Variants in DTNB observed in about 807,000 individuals in gnomAD.
DTNB encodes DTN-B.
A neutral mutation model predicts 90.7 loss-of-function variants in DTNB; 63 were observed. That is an observed-to-expected ratio of 0.69 (90% CI 0.57 to 0.86). The LOEUF is 0.86. Among genes scored for constraint, DTNB ranks in the 40% least tolerant of loss-of-function variants. The pLI, the probability that DTNB is intolerant of heterozygous loss-of-function variation, is 0.00. For synonymous variants in DTNB, 277 were observed against 286.7 expected (o/e 0.97, Z 0.34); for missense variants, 744 against 807.1 (o/e 0.92, Z 0.95).
chr2:25,409,689 T>C (rs542423826), intron 16 of DTNB, among the ~76,000 whole-genome samples: 1 of 152,196 alleles, frequency 6.6e-6, no homozygotes, highest in African/African-American at 2.4e-5. Context: ...TGTCTTATTG[T>C]CTCACTAACT....
At chr2:25,673,194 C>T (rs1213414586) in intron 1 of DTNB, among the ~76,000 whole-genome samples, 192 bp downstream of exon 1, 1 of 151,606 alleles carries the variant, frequency 6.6e-6, no homozygotes, top group African/African-American at 2.4e-5. Context: ...GCCGCGCCGT[C>T]CCACCTCGCA....
chr2:25,499,724 T>G (rs917335201), intron 9 of DTNB, among the ~76,000 whole-genome samples: 1 of 152,240 alleles, frequency 6.6e-6, no homozygotes, highest in Admixed American at 6.5e-5. Flanking sequence ...ACTTATGAGC[T>G]TGTAAACTTT....
chr2:25,478,775 A>T (rs1002363022), intron 10 of DTNB, among the ~76,000 whole-genome samples: 1 of 152,210 alleles, frequency 6.6e-6, no homozygotes, highest in African/African-American at 2.4e-5. Context: ...GATGGACAGC[A>T]ACGCAATCCA....
At chr2:25,662,958 A>G (rs2083562933) in intron 1 of DTNB, among the ~76,000 whole-genome samples, 2 of 152,056 alleles carry the variant, frequency 1.3e-5, no homozygotes, top group Admixed American at 6.6e-5. Flanking sequence ...GGCTTGTTAC[A>G]TGGGTATACA....
At chr2:25,449,719 G>A (rs778436198) in intron 12 of DTNB, among the ~76,000 whole-genome samples, 50 of 150,340 alleles carry the variant, frequency 3.3e-4, no homozygotes, top group Middle Eastern at 7.0e-3. Flanking sequence ...TGTCAGACAT[G>A]TTTTGCAAAT....
intron 12 of DTNB, among the ~76,000 whole-genome samples, chr2:25,438,961 A>G (rs55758232): frequency 0.12 from 18,994 of 152,178 alleles, 1,540 homozygotes; most frequent in Non-Finnish European, 0.17. Flanking sequence ...TAGACAGTCT[A>G]TATCTGACTA....
chr2:25,552,217 T>C lies in DTNB; in HGVS notation c.877-20620A>G, dbSNP rs79511633. Among the ~76,000 whole-genome samples the C allele has an allele frequency of 5.3e-4, 81 of 152,364 alleles. No homozygotes were observed. The East Asian group carries it at 0.013, about 25-fold the overall frequency. ...AAGTGCTCAGTTTTGTAGTCAAGAC[T>C]TCCTGTTCAGACATCTACTCTGTGT... is the stretch of plus-strand genomic sequence containing the variant. On this transcript the variant is annotated intron_variant, in intron 8 of 20. Coordinates refer to ENST00000406818, the MANE Select transcript of DTNB (RefSeq NM_021907.5).
chr2:25,388,340 G>A lies in DTNB; in HGVS notation c.1597C>T (p.His533Tyr), dbSNP rs1436628923. Reference sequence around the variant, plus strand: ...CCGCCTCCATGGGTGGGCGATGTATGTGGTGACCCTGTGGCCTGAGCCTGG... The same window carrying A: ...CCGCCTCCATGGGTGGGCGATGTATATGGTGACCCTGTGGCCTGAGCCTGG... ...KQAAQATGSP[H>Y]TSPTHGGGRP... Residue 533 changes from histidine to tyrosine, a missense_variant, in exon 17 of 21, where the codon CAT becomes TAT. By Grantham distance (83) the His-to-Tyr change is moderately conservative (BLOSUM62 2). Transcript: ENST00000406818. 1.2e-6 allele frequency: 2 copies of A among 1,611,096 alleles called. No individual in the cohort carries two copies. The highest frequency in any genetic ancestry group is 1.3e-5 in the African/African-American group (1 of 74,916).
intron 3 of DTNB, among the ~76,000 whole-genome samples, chr2:25,634,215 CGCCCTGTCCGGG>C (rs2076540650): frequency 1.7e-5 from 2 of 118,246 alleles, no homozygotes; most frequent in African/African-American, 2.9e-5. Flanking sequence ...CCCGGCCAGC[CGCCCTGTCCGGG>C]AGGGAGGTGG....
Position 25,387,063 on chromosome 2 carries a change from T to C in DTNB, c.1825+226A>G. 1 of 503,422 alleles carries C rather than the reference T, an allele frequency of 2.0e-6. No homozygotes were observed. Among genetic ancestry groups the C allele is most frequent in the Non-Finnish European group, 3.6e-6 (1 of 276,676 alleles). 31.2% of individuals were successfully genotyped at this position (503,422 alleles called of 1,614,324 possible). ...TCTACATTCAGCTTGCTCCACAAGA[T>C]GCACTCCTGAGATAGGCCTGAATGT... On this transcript the variant is annotated intron_variant, in intron 18 of 20. Transcript: ENST00000406818. The surrounding 1 kb of genome is among the most constrained non-coding windows in gnomAD (Gnocchi z 4.5).
chr2:25,648,710 A>C (rs1466430139), intron 2 of DTNB, among the ~76,000 whole-genome samples: 1 of 152,168 alleles, frequency 6.6e-6, no homozygotes, highest in Non-Finnish European at 1.5e-5. Flanking sequence ...TGGCTCTTTA[A>C]GAAAAAGATG....
intron 16 of DTNB, among the ~76,000 whole-genome samples, chr2:25,408,037 G>A (rs2045658594): frequency 6.6e-6 from 1 of 151,974 alleles, no homozygotes; most frequent in South Asian, 2.1e-4. Flanking sequence ...CAGGTGCTGT[G>A]GCTCATACCT....
At chr2:25,427,427 A>G in intron 15 of DTNB, 108 bp downstream of exon 15, 2 of 1,052,152 alleles carry the variant, frequency 1.9e-6, no homozygotes, top group Non-Finnish European at 2.7e-6. Flanking sequence ...ATTCTAGGCT[A>G]AAGTCAAGCC....
At chr2:25,429,734 A>T (rs745887649) in intron 14 of DTNB, among the ~76,000 whole-genome samples, 11 of 152,190 alleles carry the variant, frequency 7.2e-5, no homozygotes, top group Non-Finnish European at 1.6e-4. Flanking sequence ...CATCTACTGA[A>T]CTTACCAAAA....
At chr2:25,511,290 T>C (rs2073890830) in intron 9 of DTNB, among the ~76,000 whole-genome samples, 1 of 152,222 alleles carries the variant, frequency 6.6e-6, no homozygotes, top group African/African-American at 2.4e-5. Context: ...ATTATGTCAA[T>C]ATAAATCAGT....
chr2:25,589,369 T>C (rs12992451), intron 6 of DTNB, among the ~76,000 whole-genome samples: 4,652 of 70,634 alleles, frequency 0.066, 181 homozygotes, highest in Non-Finnish European at 0.086. Context: ...TTTCTTTTCT[T>C]TTTTTTTTTT....
intron 15 of DTNB, among the ~76,000 whole-genome samples, chr2:25,421,626 G>A (rs927852068): frequency 2.0e-5 from 3 of 152,208 alleles, no homozygotes; most frequent in Non-Finnish European, 2.9e-5. Context: ...TGGAAAGTGC[G>A]ATGGTTGGGG....
chr2:25,607,369 A>T, intron 4 of DTNB, 48 bp from the exon 5 acceptor site: 1 of 1,539,046 alleles, frequency 6.5e-7, no homozygotes, highest in Non-Finnish European at 8.8e-7. Context: ...AAACCACAAA[A>T]GGACTCGAAT....
intron 12 of DTNB, among the ~76,000 whole-genome samples, chr2:25,445,930 T>TC (rs948981381): frequency 4.0e-5 from 6 of 151,540 alleles, no homozygotes; most frequent in African/African-American, 1.5e-4. Context: ...GTTTTTTTTT[T>TC]TTTTTTTTAA....
Sources: gnomAD v4.1 joint callset for allele counts (sites outside exome capture counted in the v4.1 genomes callset) on GRCh38, gnomAD v4.1.1 for gene constraint, Gnocchi (gnomAD v3.1) non-coding constraint, MANE v1.5 for transcripts, NCBI Gene and HGNC (gene_info 2026-07-23, HGNC 2026-07-21) for gene names.